C13orf46: variants seen among roughly 807,000 people sequenced by gnomAD.
C13orf46 encodes chromosome 13 open reading frame 46, also known as uncharacterized protein C13orf46.
chr13:113,934,224 CGG>C, the C13orf46 span, among the ~76,000 whole-genome samples: 1 of 152,220 alleles, frequency 6.6e-6, no homozygotes, highest in Non-Finnish European at 1.5e-5. Flanking sequence ...CACGATGCGT[CGG>C]ACACGCACCT....
rs2052500743 is a variant in C13orf46, at chr13:113,953,964, T to C, written c.*2809A>G. On this transcript the variant is annotated 3_prime_UTR_variant, in exon 7 of 7. Transcript: ENST00000636427. ...CTGGGGCCGATGGGCACTTATCTTC[T>C]GTGGTGTCTTTCAGTCAAGGGTGGG... 1 of 152,416 alleles carries C rather than the reference T, an allele frequency of 6.6e-6. No homozygotes were observed. The highest frequency in any genetic ancestry group is 2.1e-4 in the South Asian group (1 of 4,838). 9.4% of individuals were successfully genotyped at this position (152,416 alleles called of 1,614,324 possible).
chr13:113,937,526 C>A, the C13orf46 span, among the ~76,000 whole-genome samples: 1 of 152,132 alleles, frequency 6.6e-6, no homozygotes, highest in Admixed American at 6.5e-5. Flanking sequence ...AACCAAAAGG[C>A]GTCTGAGATA....
At chr13:113,971,835 C>A (rs1383910478) in intron 1 of C13orf46, among the ~76,000 whole-genome samples, 1 of 152,228 alleles carries the variant, frequency 6.6e-6, no homozygotes, top group Non-Finnish European at 1.5e-5. Flanking sequence ...AGGCCCGGCC[C>A]TTCTCCTCGG....
rs1004122989 is a variant in C13orf46 at position 113,962,598 on chromosome 13, G to A, written c.572+2329C>T. Among the ~76,000 whole-genome samples, 4 of 152,330 alleles carry A rather than the reference G, an allele frequency of 2.6e-5. No individual in the cohort carries two copies. The East Asian group carries it at 7.7e-4, about 29-fold the overall frequency. On this transcript the variant is annotated intron_variant, in intron 6 of 6. Transcript: ENST00000636427. ...GGATGGTGATCCAAAGGGGGAATTTGTGAGATGAGGTAGCAAACCTAAGAA... is the reference window on the plus strand; with the variant it reads ...GGATGGTGATCCAAAGGGGGAATTTATGAGATGAGGTAGCAAACCTAAGAA...
At chr13:113,947,863 T>C in the C13orf46 span, among the ~76,000 whole-genome samples, 9 of 152,194 alleles carry the variant, frequency 5.9e-5, no homozygotes, top group South Asian at 4.1e-4. Context: ...AGCCAGGCCA[T>C]TGGGAGGATG....
the C13orf46 span, among the ~76,000 whole-genome samples, chr13:113,945,670 AAGGAAAGAAAAAC>A: frequency 7.7e-4 from 104 of 135,732 alleles, no homozygotes; most frequent in Admixed American, 1.4e-3. Context: ...GAAAGAAAGA[AAGGAAAGAAAAAC>A]AAACCAAGTC....
downstream of C13orf46, among the ~76,000 whole-genome samples, chr13:113,949,353 G>A (rs969408318): frequency 1.8e-4 from 27 of 152,344 alleles, no homozygotes; most frequent in South Asian, 5.6e-3. Flanking sequence ...TGTCAGGAGT[G>A]AGTGTGGGTT....
chr13:113,953,953 CACTT>C lies in C13orf46; in HGVS notation c.*2816_*2819del, dbSNP rs1411044097. ...AAATGATGACTCTGGGGCCGATGGGCACTTATCTTCTGTGGTGTCTTTCAGTCAA... is the reference window on the plus strand; with the variant it reads ...AAATGATGACTCTGGGGCCGATGGGCATCTTCTGTGGTGTCTTTCAGTCAA... On this transcript the variant is annotated 3_prime_UTR_variant, in exon 7 of 7. Transcript: ENST00000636427. 2.0e-5 allele frequency: 3 copies of C among 152,344 alleles called. No individual in the cohort carries two copies. Among genetic ancestry groups the C allele is most frequent in the African/African-American group, 7.2e-5 (3 of 41,470 alleles). 9.4% of individuals were successfully genotyped at this position (152,344 alleles called of 1,614,324 possible). A position where few individuals can be genotyped will look rare whatever the true frequency, so the allele number is the denominator to read the frequency against.
chr13:113,945,616 GA>G, the C13orf46 span, among the ~76,000 whole-genome samples: 1,766 of 106,718 alleles, frequency 0.017, 21 homozygotes, highest in Middle Eastern at 0.036. Flanking sequence ...AAGAAAGAAA[GA>G]AAGAAAGAAA....
chr13:113,969,772 A>G lies in C13orf46; in HGVS notation c.242+399T>C, dbSNP rs946600182. On this transcript the variant is annotated intron_variant, in intron 2 of 6. Transcript: ENST00000636427. ...GTGGGGATGTGCTGTCCAGGGCCCC[A>G]CGCCCTCTCCCTAAAGGAGCACTCG... 5.5e-3 allele frequency among the ~76,000 whole-genome samples: 836 copies of G among 152,232 alleles called. 8 individuals are homozygous for G. The highest frequency in any genetic ancestry group is 0.019 in the African/African-American group (769 of 41,540).
intron 6 of C13orf46, among the ~76,000 whole-genome samples, chr13:113,959,751 T>C (rs1017366898): frequency 0.054 from 8,186 of 152,296 alleles, 672 homozygotes; most frequent in African/African-American, 0.18. Context: ...AGAGTTAACA[T>C]GTGGACTTGT....
chr13:113,927,776 C>T, the C13orf46 span: 6 of 395,880 alleles, frequency 1.5e-5, no homozygotes, highest in Admixed American at 4.4e-5. Context: ...GACTCCCACT[C>T]GGAGGATGAT....
At chr13:113,945,546 AAAGAAAGAAAGAAAGAAAG>A in the C13orf46 span, among the ~76,000 whole-genome samples, 1 of 86,054 alleles carries the variant, frequency 1.2e-5, no homozygotes, top group Non-Finnish European at 2.8e-5. Flanking sequence ...TCTGAGAAAG[AAAGAAAGAAAGAAAGAAAG>A]AAAGAAAGAA....
chr13:113,970,521 T>C (rs2052692842), intron 1 of C13orf46: 1 of 152,140 alleles, frequency 6.6e-6, no homozygotes, highest in Non-Finnish European at 1.5e-5. Flanking sequence ...CGCCTTACAG[T>C]AAACACATGA....
intron 6 of C13orf46, among the ~76,000 whole-genome samples, chr13:113,958,088 C>T (rs1415368235): frequency 2.0e-5 from 3 of 150,918 alleles, no homozygotes; most frequent in African/African-American, 7.3e-5. Context: ...CTGTATGCAC[C>T]CCCTTTCATC....
the C13orf46 span, among the ~76,000 whole-genome samples, chr13:113,935,453 G>A: frequency 1.3e-5 from 2 of 152,256 alleles, no homozygotes; most frequent in Admixed American, 1.3e-4. Flanking sequence ...AACAGAGCCC[G>A]GGGTAGCTGC....
At chr13:113,952,012 CCAGA>C (rs1477183809), downstream of C13orf46, among the ~76,000 whole-genome samples, 364 of 152,344 alleles carry the variant, frequency 2.4e-3, no homozygotes, top group Middle Eastern at 0.048. Context: ...GCATCTAAAC[CCAGA>C]CAGAGAAAAC....
chr13:113,969,087 A>G (rs2052677624), intron 2 of C13orf46, among the ~76,000 whole-genome samples: 1 of 152,060 alleles, frequency 6.6e-6, no homozygotes, highest in Non-Finnish European at 1.5e-5. Context: ...GAGAAGATGC[A>G]GCCACCCTGT....
rs1378245181 is a variant in C13orf46 at position 113,955,804 on chromosome 13, C to T, written c.*969G>A. The T allele has an allele frequency of 1.0e-4, 14 of 136,906 alleles. No individual in the cohort carries two copies. Among genetic ancestry groups the T allele is most frequent in the Admixed American group, 4.6e-4 (6 of 12,980 alleles). The allele number at this position is 136,906 out of a possible 1,614,324, so 8.5% of individuals were successfully genotyped here. On this transcript the variant is annotated 3_prime_UTR_variant, in exon 7 of 7. Coordinates refer to ENST00000636427, the MANE Select transcript of C13orf46 (RefSeq NM_001365455.2). ...GCAGCCGGCGGAGACGAGGAGCAGC[C>T]GGCGGAGACGAGGAGCAGCCGGTGG...
Sources: allele counts gnomAD v4.1 joint callset (sites outside exome capture counted in the v4.1 genomes callset), GRCh38; gene constraint gnomAD v4.1.1; transcripts MANE v1.5; gene names NCBI Gene and HGNC (gene_info 2026-07-23, HGNC 2026-07-21).